NHSL2: variants seen among roughly 807,000 people sequenced by gnomAD.
NHSL2 encodes NHS like 2.
Under a neutral mutation model 53.4 loss-of-function variants are expected in NHSL2, and 27 were observed. That is an observed-to-expected ratio of 0.51 (90% CI 0.37 to 0.70). The LOEUF is 0.70. Among genes scored for constraint, NHSL2 ranks in the 30% least tolerant of loss-of-function variants. NHSL2 has a pLI of 0.00. For missense variants in NHSL2, 892 were observed against 980.1 expected (o/e 0.91, Z 1.20); for synonymous variants, 408 against 404.1 (o/e 1.01, Z -0.12).
At chrX:72,059,634 GCCCTT>G (rs1186260263) in intron 1 of NHSL2, among the ~76,000 whole-genome samples, 3 of 111,734 alleles carry the variant, frequency 2.7e-5, no homozygotes, top group Non-Finnish European at 3.8e-5. Context: ...TTTTCTTGAT[GCCCTT>G]CCCTTCCTCT....
chrX:72,004,745 C>T (rs1008135508), intron 1 of NHSL2, among the ~76,000 whole-genome samples: 1 of 106,935 alleles, frequency 9.4e-6, no homozygotes, highest in African/African-American at 3.4e-5. Context: ...GAGAGCTGGG[C>T]GAGAACCTTT....
chrX:72,030,743 A>G (rs12689352), intron 1 of NHSL2, among the ~76,000 whole-genome samples: 9,784 of 111,793 alleles, frequency 0.088, 612 homozygotes, highest in African/African-American at 0.21. Context: ...TATTCCTGCT[A>G]TGGCTAATTT....
intron 1 of NHSL2, among the ~76,000 whole-genome samples, chrX:71,978,478 A>T (rs1004879343): frequency 1.3e-4 from 15 of 112,224 alleles, no homozygotes; most frequent in African/African-American, 4.9e-4. Flanking sequence ...CACTCGCTAT[A>T]GGTCCTTAAC....
intron 1 of NHSL2, chrX:71,965,864 T>G (rs1057002196): frequency 1.8e-5 from 2 of 112,565 alleles, no homozygotes; most frequent in Non-Finnish European, 3.8e-5. Flanking sequence ...TTTCTGTGAA[T>G]GCTAATATAA....
Position 71,959,991 on chromosome X carries a change from G to A in NHSL2, c.280+48624G>A, listed in dbSNP as rs138766928. On this transcript the variant is annotated intron_variant, in intron 1 of 7. Coordinates refer to ENST00000633930, the MANE Select transcript of NHSL2 (RefSeq NM_001013627.3). ...AACTGCCAGACTGTTTTCCAAAGTG[G>A]CTATACCATCTCTCCACATCCTCAT... Among the ~76,000 whole-genome samples the A allele has an allele frequency of 2.4e-3, 264 of 111,854 alleles. 1 individual carries two copies. The highest frequency in any genetic ancestry group is 8.4e-3 in the African/African-American group (259 of 30,844).
intron 1 of NHSL2, among the ~76,000 whole-genome samples, chrX:72,006,101 G>A (rs1288638569): frequency 8.9e-6 from 1 of 112,028 alleles, no homozygotes; most frequent in African/African-American, 3.3e-5. Flanking sequence ...CTGTTCCCAT[G>A]GTTAGCACCC....
At chrX:71,970,121 A>G (rs2041919037) in intron 1 of NHSL2, among the ~76,000 whole-genome samples, 1 of 111,882 alleles carries the variant, frequency 8.9e-6, no homozygotes, top group Admixed American at 9.5e-5. Context: ...TTGTTCATGT[A>G]TAATCTTTTT....
Position 72,140,173 on chromosome X carries a change from T to G in NHSL2, c.2625T>G (p.Pro875=). ...CAAAACCTCCCGTAGCTGAGAAGCC[T>G]CCGGTGGCCCGGAGGCCTCCAAGCT... is the stretch of plus-strand genomic sequence containing the variant. ...RKTKPPVAEK[P]PVARRPPSLV... is the part of the protein sequence containing the mutation. Residue 875 remains proline, a synonymous_variant, in exon 6 of 8, where the codon CCT becomes CCG. Transcript: ENST00000633930. The G allele has an allele frequency of 8.3e-7, 1 of 1,210,800 alleles. No individual in the cohort carries two copies. The highest frequency in any genetic ancestry group is 1.1e-6 in the Non-Finnish European group (1 of 894,980).
rs774653685 is a variant in NHSL2 at position 72,139,769 on chromosome X, A to T, written c.2221A>T (p.Ser741Cys). The T allele has an allele frequency of 8.3e-7, 1 of 1,211,129 alleles. No individual in the cohort carries two copies. Among genetic ancestry groups the T allele is most frequent in the Non-Finnish European group, 1.1e-6 (1 of 895,179 alleles). Residue 741 changes from serine to cysteine, a missense_variant, in exon 6 of 8, where the codon AGT becomes TGT. Ser to Cys is a moderately radical substitution (Grantham distance 112). Transcript: ENST00000633930. ...GGGCCACTTACCCCCTCCAAGCAGC[A>T]GTGTCCGGGTACGTCCAGTGGTACC... ...TLGHLPPPSSSVRVRPVVPER... is the reference protein window; with the variant it reads ...TLGHLPPPSSCVRVRPVVPER...
chrX:72,061,508 C>T (rs1322616975), intron 1 of NHSL2, among the ~76,000 whole-genome samples: 2 of 111,964 alleles, frequency 1.8e-5, no homozygotes, highest in South Asian at 3.7e-4. Context: ...TCTCTGTTTC[C>T]GTCACCCTGA....
At chrX:71,998,981 T>C (rs1158913664) in intron 1 of NHSL2, among the ~76,000 whole-genome samples, 1 of 112,522 alleles carries the variant, frequency 8.9e-6, no homozygotes, top group Non-Finnish European at 1.9e-5. Flanking sequence ...AATGAGTGAC[T>C]GTTGTTCCTT....
At position 72,146,341 on chromosome X, in the gene NHSL2, A is replaced by T. The variant is rs2042463706; in HGVS notation, c.*2767A>T. ...CTCTCTCCTACCTTTGATTATCATA[A>T]CTCCACTCTCTCTCCCACCCAGGCA... On this transcript the variant is annotated 3_prime_UTR_variant, in exon 8 of 8. Coordinates refer to ENST00000633930, the MANE Select transcript of NHSL2 (RefSeq NM_001013627.3). 2 of 111,223 alleles carry T rather than the reference A, an allele frequency of 1.8e-5. No homozygotes were observed. The highest frequency in any genetic ancestry group is 6.6e-5 in the African/African-American group (2 of 30,506). The allele number at this position is 111,223 out of a possible 1,213,427, so 9.2% of individuals were successfully genotyped here.
intron 1 of NHSL2, among the ~76,000 whole-genome samples, chrX:72,099,984 G>A (rs1221066016): frequency 9.0e-6 from 1 of 111,147 alleles, no homozygotes; most frequent in Non-Finnish European, 1.9e-5. Context: ...AATGTCACCT[G>A]AGCTGTGTGT....
chrX:72,076,693 C>G (rs1336744310), intron 1 of NHSL2, among the ~76,000 whole-genome samples: 1 of 112,361 alleles, frequency 8.9e-6, no homozygotes, highest in Non-Finnish European at 1.9e-5. Context: ...GTAGGAGACC[C>G]TGCACACTGA....
intron 1 of NHSL2, among the ~76,000 whole-genome samples, chrX:71,941,596 T>C (rs2041766258): frequency 8.9e-6 from 1 of 112,155 alleles, no homozygotes. Flanking sequence ...TTTGTGAAAA[T>C]GAAATAAGAC....
Position 72,145,459 on chromosome X carries a change from A to C in NHSL2, c.*1885A>C, listed in dbSNP as rs2042457215. The C allele has an allele frequency of 8.9e-6, 1 of 112,708 alleles. No homozygotes were observed. The highest frequency in any genetic ancestry group is 1.9e-5 in the Non-Finnish European group (1 of 53,390). The allele number at this position is 112,708 out of a possible 1,213,427, so 9.3% of individuals were successfully genotyped here. A position where few individuals can be genotyped will look rare whatever the true frequency, so the allele number is the denominator to read the frequency against. On this transcript the variant is annotated 3_prime_UTR_variant, in exon 8 of 8. Transcript: ENST00000633930. ...TTAAAATAATAAAACAGCTAGGCTC[A>C]GTTGCTTTTGAAAGTACTAGAACTA...
At chrX:71,915,151 A>G (rs1259367843) in intron 1 of NHSL2, among the ~76,000 whole-genome samples, 3 of 112,085 alleles carry the variant, frequency 2.7e-5, no homozygotes, top group Non-Finnish European at 5.6e-5. Flanking sequence ...TCCACTTTAG[A>G]AACAAGACAT....
intron 1 of NHSL2, among the ~76,000 whole-genome samples, chrX:72,020,762 T>C: frequency 8.9e-6 from 1 of 112,905 alleles, no homozygotes; most frequent in Non-Finnish European, 1.9e-5. Flanking sequence ...CCCTGGTTCC[T>C]TGCTTTTCAA....
chrX:71,979,173 G>C (rs1226130294), intron 1 of NHSL2, among the ~76,000 whole-genome samples: 3 of 110,200 alleles, frequency 2.7e-5, no homozygotes, highest in Non-Finnish European at 5.7e-5. Flanking sequence ...ATGGACATTT[G>C]AGTTGGTTCC....
Sources: gnomAD v4.1 joint callset for allele counts (sites outside exome capture counted in the v4.1 genomes callset) on GRCh38, gnomAD v4.1.1 for gene constraint, MANE v1.5 for transcripts, NCBI Gene and HGNC (gene_info 2026-07-23, HGNC 2026-07-21) for gene names.